PRKCG: variants seen among roughly 807,000 people sequenced by gnomAD.
PRKCG encodes the protein protein kinase C gamma.
Under a neutral mutation model 82.0 loss-of-function variants are expected in PRKCG, and 28 were observed. The ratio of observed to expected loss-of-function variants is 0.34; its 90% CI spans 0.25 to 0.47. The LOEUF (loss-of-function observed/expected upper bound fraction) is 0.47, where lower values mean the gene tolerates loss of function less well. Among genes scored for constraint, PRKCG ranks in the 20% least tolerant of loss-of-function variants. The pLI, the probability that PRKCG is intolerant of heterozygous loss-of-function variation, is 1.00. For synonymous variants in PRKCG, 383 were observed against 376.6 expected, an observed-to-expected ratio of 1.02 and a Z score of -0.20; for missense variants, 640 against 952.7, an observed-to-expected ratio of 0.67 and a Z score of 4.32.
intron 16 of PRKCG, among the ~76,000 whole-genome samples, chr19:53,906,081 C>CTTCTT (rs1568763987): frequency 2.2e-3 from 78 of 35,432 alleles, no homozygotes; most frequent in African/African-American, 3.9e-3. Flanking sequence ...TCCTCCTCCT[C>CTTCTT]CTCCTTCTTC....
Position 53,889,838 on chromosome 19 carries a change from T to C in PRKCG, c.398-48T>C. On this transcript the variant is annotated intron_variant, in intron 4 of 17. Transcript: ENST00000263431. The surrounding 1 kb of genome is among the most constrained non-coding windows in gnomAD (Gnocchi z 4.4). ...CGGGATGGGGTGGGGGGTGGAGTCT[T>C]GGCTTGGGGGCGGGGCCTGAGGTGC... The C allele has an allele frequency of 6.5e-7, 1 of 1,544,322 alleles. No homozygotes were observed. Among genetic ancestry groups the C allele is most frequent in the South Asian group, 1.2e-5 (1 of 85,654 alleles).
intron 8 of PRKCG, 114 bp from the exon 9 acceptor site, chr19:53,893,248 A>G (rs2068693348): frequency 7.4e-7 from 1 of 1,345,794 alleles, no homozygotes. Flanking sequence ...TCTGATGGGA[A>G]TTATAGTTCC....
At chr19:53,902,454 T>G (rs776951915) in intron 14 of PRKCG, among the ~76,000 whole-genome samples, 5 of 152,024 alleles carry the variant, frequency 3.3e-5, no homozygotes, top group Non-Finnish European at 7.4e-5. Context: ...ACTACACACA[T>G]ATTCCTGACT....
intron 3 of PRKCG, among the ~76,000 whole-genome samples, chr19:53,888,051 G>A (rs933781658): frequency 1.3e-5 from 2 of 152,114 alleles, no homozygotes; most frequent in African/African-American, 4.8e-5. Context: ...TTTTAACAGC[G>A]ACGTTCACTT....
intron 15 of PRKCG, 152 bp from the exon 16 acceptor site, chr19:53,904,483 T>G (rs1599954314): frequency 1.7e-5 from 11 of 649,092 alleles, no homozygotes; most frequent in East Asian, 1.7e-4. Context: ...GCTTTGGTGG[T>G]TTGGTCTGAT....
At chr19:53,901,626 C>T (rs982455873) in intron 14 of PRKCG, among the ~76,000 whole-genome samples, 12 of 142,314 alleles carry the variant, frequency 8.4e-5, no homozygotes, top group African/African-American at 1.9e-4. Context: ...CTGAGGCGGG[C>T]GGATCACAAG....
Position 53,889,891 on chromosome 19 carries a change from G to A in PRKCG, c.403G>A (p.Glu135Lys). ...CCCGCAGCTTTCCCCTCCAGGCTGC[G>A]AGATGAACGTGCACCGGCGCTGTGT... is the stretch of plus-strand genomic sequence containing the variant. ...VHQGMKCSCC[E>K]MNVHRRCVRS... The change falls in exon 5 of 18, where the codon GAG becomes AAG. Residue 135 changes from glutamate to lysine, a missense_variant. Transcript: ENST00000263431. The surrounding 1 kb of genome is among the most constrained non-coding windows in gnomAD (Gnocchi z 4.4). The A allele has an allele frequency of 6.3e-7, 1 of 1,585,108 alleles. No homozygotes were observed. The highest frequency in any genetic ancestry group is 8.6e-7 in the Non-Finnish European group (1 of 1,166,454).
rs555865016 is a variant in PRKCG, at chr19:53,891,643, C to T, written c.530-31C>T. 138 of 1,612,384 alleles carry T rather than the reference C, an allele frequency of 8.6e-5. No individual in the cohort carries two copies. The South Asian group carries it at 1.5e-3, about 17-fold the overall frequency. ...TGGGAGCCCCTTCCTGGATCTCTAA[C>T]CCGTCACACTCTTCCTCACTCCCCG... is the stretch of plus-strand genomic sequence containing the variant. On this transcript the variant is annotated intron_variant, in intron 5 of 17. Transcript: ENST00000263431.
rs1339212942 is a variant in PRKCG, at chr19:53,892,827, T to C, written c.822-161T>C. ...CTCTCTCTCTATTCTTCTCTTCTTC[T>C]CCCCTCCCTTTCTCCCTCTCCCTCT... On this transcript the variant is annotated intron_variant, in intron 7 of 17. Coordinates refer to ENST00000263431, the MANE Select transcript of PRKCG (RefSeq NM_002739.5). This position sits in a 1 kb window ranked among gnomAD's most constrained non-coding sequence, Gnocchi z 5.9. Among the ~76,000 whole-genome samples the C allele has an allele frequency of 2.0e-5, 3 of 150,744 alleles. No individual in the cohort carries two copies. The highest frequency in any genetic ancestry group is 7.3e-5 in the African/African-American group (3 of 40,838).
intron 16 of PRKCG, among the ~76,000 whole-genome samples, chr19:53,905,374 C>T (rs1242054226): frequency 7.3e-6 from 1 of 136,238 alleles, no homozygotes; most frequent in Non-Finnish European, 1.6e-5. Flanking sequence ...CTCCTGTGTC[C>T]ACTCTCATAC....
At chr19:53,890,038 C>A in intron 5 of PRKCG, 21 bp downstream of exon 5, 3 of 1,548,164 alleles carry the variant, frequency 1.9e-6, no homozygotes, top group Non-Finnish European at 2.6e-6. Flanking sequence ...GCCCCCTCGC[C>A]TGGCCCCGCC....
At chr19:53,891,865 G>A in intron 6 of PRKCG, 35 bp downstream of exon 6, 1 of 1,613,306 alleles carries the variant, frequency 6.2e-7, no homozygotes, top group Non-Finnish European at 8.5e-7. Flanking sequence ...AATGACAGCT[G>A]ACAGAGAATG....
intron 15 of PRKCG, among the ~76,000 whole-genome samples, chr19:53,903,850 C>T (rs2068782362): frequency 6.6e-6 from 1 of 152,136 alleles, no homozygotes; most frequent in African/African-American, 2.4e-5. Flanking sequence ...ATACAGTTGT[C>T]TAAATATTTA....
At position 53,898,637 on chromosome 19, in the gene PRKCG, G is replaced by C. The variant is rs370400523; in HGVS notation, c.1281+9G>C. The C allele has an allele frequency of 2.0e-4, 320 of 1,562,154 alleles. 2 individuals are homozygous for C. In the Middle Eastern group the frequency reaches 2.9e-3, roughly 14 times the overall value. ...CCACCTTCCAGACCCCGGTAAGGAT[G>C]GAGGGGGCGGAGGCTGTCCTCCGGG... is the stretch of plus-strand genomic sequence containing the variant. On this transcript the variant is annotated intron_variant, in intron 11 of 17. Transcript: ENST00000263431.
chr19:53,904,566 A>AG, intron 15 of PRKCG, 69 bp from the exon 16 acceptor site: 1 of 1,348,500 alleles, frequency 7.4e-7, no homozygotes, highest in Non-Finnish European at 1.0e-6. Context: ...TGGGGTGAGG[A>AG]GGGTGTGGAA....
intron 10 of PRKCG, 125 bp from the exon 11 acceptor site, chr19:53,898,315 G>A (rs910037928): frequency 4.3e-6 from 6 of 1,385,040 alleles, no homozygotes; most frequent in Non-Finnish European, 6.1e-6. Context: ...AGTCAGGGCT[G>A]TCAGTCCCTT....
chr19:53,903,569 G>C (rs2068780199), intron 15 of PRKCG, among the ~76,000 whole-genome samples: 1 of 152,022 alleles, frequency 6.6e-6, no homozygotes, highest in Non-Finnish European at 1.5e-5. Flanking sequence ...TAAAAAAATT[G>C]GTTACCACAC....
chr19:53,904,796 G>A (rs2068789904), intron 16 of PRKCG, 54 bp downstream of exon 16: 1 of 1,420,780 alleles, frequency 7.0e-7, no homozygotes, highest in Non-Finnish European at 9.9e-7. Context: ...ACACCCCATT[G>A]CTGTCTCTGT....
rs370817147 is a variant in PRKCG, at chr19:53,905,346, AC to A, written c.1764+610del. On this transcript the variant is annotated intron_variant, in intron 16 of 17. Transcript: ENST00000263431. ...TTTTGGGCCTTTGTCCAACCCCCCT[AC>A]CCCCCATCTCTGTCCCCTCCTGTGT... Among the ~76,000 whole-genome samples the A allele has an allele frequency of 5.6e-3, 744 of 133,394 alleles. 3 individuals carry two copies. Among genetic ancestry groups the A allele is most frequent in the African/African-American group, 0.02 (689 of 34,758 alleles). The allele number at this position is 133,394 out of a possible 152,430, so 87.5% of individuals were successfully genotyped here.
Sources: gnomAD v4.1 joint callset for allele counts (sites outside exome capture counted in the v4.1 genomes callset) on GRCh38, gnomAD v4.1.1 for gene constraint, Gnocchi (gnomAD v3.1) non-coding constraint, MANE v1.5 for transcripts, NCBI Gene and HGNC (gene_info 2026-07-23, HGNC 2026-07-21) for gene names.